Variants in CCNJL observed in about 807,000 individuals in gnomAD.
CCNJL encodes the protein cyclin J like.
In CCNJL, 33 loss-of-function variants were observed where a neutral mutation model predicts 33.4. The ratio of observed to expected loss-of-function variants is 0.99; its 90% CI spans 0.75 to 1.32. The LOEUF is 1.32. Ranked by LOEUF, CCNJL falls within the 40% of genes most tolerant of loss-of-function variation. The probability of loss-of-function intolerance (pLI) is 0.00; values close to 1 mark genes in which losing one functional copy is unlikely to be tolerated. For synonymous variants in CCNJL, 227 were observed against 220.9 expected (o/e 1.03, Z -0.24); for missense variants, 512 against 499.7 (o/e 1.02, Z -0.23).
intron 1 of CCNJL, among the ~76,000 whole-genome samples, chr5:160,334,131 C>T (rs2113484215): frequency 6.6e-6 from 1 of 152,268 alleles, no homozygotes; most frequent in African/African-American, 2.4e-5. Context: ...CCTCAGGCAC[C>T]CCAACTTCAG....
intron 4 of CCNJL, among the ~76,000 whole-genome samples, chr5:160,255,992 G>A (rs920741620): frequency 6.6e-6 from 1 of 152,198 alleles, no homozygotes; most frequent in African/African-American, 2.4e-5. Context: ...AGGCCCAAGA[G>A]ATCCTACTAC....
chr5:160,312,599 T>C (rs934198544), upstream of CCNJL: 8 of 151,456 alleles, frequency 5.3e-5, no homozygotes, highest in Admixed American at 2.0e-4. Flanking sequence ...GCTGGGGGAA[T>C]TGGGGGCCGG....
intron 1 of CCNJL, among the ~76,000 whole-genome samples, chr5:160,324,367 G>A (rs1763509836): frequency 6.6e-6 from 1 of 152,194 alleles, no homozygotes; most frequent in African/African-American, 2.4e-5. Context: ...GAGGTCAGGA[G>A]TTCTAGACCA....
intron 3 of CCNJL, among the ~76,000 whole-genome samples, chr5:160,270,116 G>A (rs1287068187): frequency 6.6e-6 from 1 of 151,714 alleles, no homozygotes; most frequent in Non-Finnish European, 1.5e-5. Flanking sequence ...TTAGAGACCA[G>A]CCTGGGCAAC....
chr5:160,278,358 AC>A (rs1762088809), intron 3 of CCNJL, among the ~76,000 whole-genome samples: 1 of 152,036 alleles, frequency 6.6e-6, no homozygotes, highest in Admixed American at 6.5e-5. Flanking sequence ...GGGGGCAAGA[AC>A]CCCAGCTCTT....
At chr5:160,268,640 G>A (rs1298941070) in intron 3 of CCNJL, among the ~76,000 whole-genome samples, 3 of 152,216 alleles carry the variant, frequency 2.0e-5, no homozygotes, top group Non-Finnish European at 4.4e-5. Flanking sequence ...AAGGAAGGGA[G>A]AAAGCTGAGA....
chr5:160,305,142 T>C (rs923632231), intron 2 of CCNJL, among the ~76,000 whole-genome samples: 29 of 152,092 alleles, frequency 1.9e-4, no homozygotes, highest in Admixed American at 1.6e-3. Context: ...AGGAGACAGG[T>C]GTTCAGCCTT....
At position 160,252,882 on chromosome 5, in the gene CCNJL, C is replaced by T. The variant is rs552169922; in HGVS notation, c.*496G>A. On this transcript the variant is annotated 3_prime_UTR_variant, in exon 6 of 6. Transcript: ENST00000257536. ...CAAGGCAAACACTCAGGCATACACA[C>T]CAACTCAGGCCCCTCTGCATAGAGC... The T allele has an allele frequency of 6.5e-6, 1 of 153,606 alleles. No individual in the cohort carries two copies. The highest frequency in any genetic ancestry group is 2.1e-4 in the South Asian group (1 of 4,838). 9.5% of individuals were successfully genotyped at this position (153,606 alleles called of 1,614,324 possible). A position where few individuals can be genotyped will look rare whatever the true frequency, so the allele number is the denominator to read the frequency against.
At chr5:160,302,448 G>C (rs1273615067) in intron 2 of CCNJL, among the ~76,000 whole-genome samples, 1 of 152,072 alleles carries the variant, frequency 6.6e-6, no homozygotes, top group African/African-American at 2.4e-5. Flanking sequence ...GCTACAATTA[G>C]CGAAATATAT....
chr5:160,305,319 C>T (rs918933604), intron 2 of CCNJL, among the ~76,000 whole-genome samples: 1 of 152,234 alleles, frequency 6.6e-6, no homozygotes, highest in Non-Finnish European at 1.5e-5. Flanking sequence ...CACTATCCAG[C>T]TGTCAGAGTT....
intron 1 of CCNJL, among the ~76,000 whole-genome samples, chr5:160,321,012 C>CTTTCTTTCTT (rs1554124992): frequency 8.3e-5 from 6 of 71,992 alleles, no homozygotes; most frequent in Non-Finnish European, 1.0e-4. Context: ...CTCTCTCTCT[C>CTTTCTTTCTT]TCTTTCTTTC....
chr5:160,270,298 G>C (rs1324690625), intron 3 of CCNJL, among the ~76,000 whole-genome samples: 2 of 152,216 alleles, frequency 1.3e-5, no homozygotes, highest in African/African-American at 2.4e-5. Context: ...ACAAAAATTA[G>C]CTGGGTGAGG....
chr5:160,284,426 A>G (rs1762341100), intron 2 of CCNJL, among the ~76,000 whole-genome samples: 2 of 150,350 alleles, frequency 1.3e-5, no homozygotes, highest in Admixed American at 1.3e-4. Flanking sequence ...CTGCTATAAA[A>G]AAACAAGACA....
intron 2 of CCNJL, among the ~76,000 whole-genome samples, chr5:160,292,499 T>C (rs763308180): frequency 6.6e-6 from 1 of 152,074 alleles, no homozygotes; most frequent in Non-Finnish European, 1.5e-5. Flanking sequence ...TGAGCACCTG[T>C]AGGCCTAACT....
intron 2 of CCNJL, among the ~76,000 whole-genome samples, chr5:160,302,846 A>C (rs1762966837): frequency 6.6e-6 from 1 of 151,912 alleles, no homozygotes; most frequent in Non-Finnish European, 1.5e-5. Context: ...ATAAAATAAA[A>C]TAAACATTAA....
intron 4 of CCNJL, chr5:160,258,382 G>A (rs1460255643): frequency 2.5e-6 from 2 of 787,780 alleles, no homozygotes; most frequent in East Asian, 2.4e-5. Context: ...GAATGAAGAT[G>A]TGAAAGAAGC....
chr5:160,296,825 A>G (rs1167969642), intron 2 of CCNJL, among the ~76,000 whole-genome samples: 1 of 152,080 alleles, frequency 6.6e-6, no homozygotes, highest in East Asian at 1.9e-4. Flanking sequence ...TCAAACCCAA[A>G]TCAAACAGCA....
At chr5:160,257,864 T>C (rs1761137041) in intron 4 of CCNJL, among the ~76,000 whole-genome samples, 1 of 151,496 alleles carries the variant, frequency 6.6e-6, no homozygotes, top group Non-Finnish European at 1.5e-5. Flanking sequence ...TTTTTTTTTT[T>C]AGATGGAGTC....
chr5:160,280,310 G>A lies in CCNJL; in HGVS notation c.280+215C>T, dbSNP rs558599114. Reference sequence around the variant, plus strand: ...CTCCTAGGGCCACTGTGTGGATTGAGACAAGCTGCTAACATCCTTATCACT... The same window carrying A: ...CTCCTAGGGCCACTGTGTGGATTGAAACAAGCTGCTAACATCCTTATCACT... On this transcript the variant is annotated intron_variant, in intron 3 of 5. Coordinates refer to ENST00000257536, the MANE Select transcript of CCNJL (RefSeq NM_001308173.3). Among the ~76,000 whole-genome samples, 13 of 152,278 alleles carry A rather than the reference G, an allele frequency of 8.5e-5. No individual in the cohort carries two copies. In the East Asian group the frequency reaches 2.3e-3, roughly 27 times the overall value.
Sources: allele counts gnomAD v4.1 joint callset (sites outside exome capture counted in the v4.1 genomes callset), GRCh38; gene constraint gnomAD v4.1.1; transcripts MANE v1.5; gene names NCBI Gene and HGNC (gene_info 2026-07-23, HGNC 2026-07-21).